Variants in ARL3 observed in about 807,000 individuals in gnomAD.
The protein encoded by ARL3 is ADP-ribosylation factor-like protein 3.
In ARL3, 9 loss-of-function variants were observed where a neutral mutation model predicts 26.0. The ratio of observed to expected loss-of-function variants is 0.35; its 90% CI spans 0.21 to 0.60. The LOEUF is 0.60. ARL3 is among the 20% of genes least tolerant of loss of function. The pLI is 0.78. For synonymous variants in ARL3, 71 were observed against 78.4 expected, an observed-to-expected ratio of 0.91 and a Z score of 0.50; for missense variants, 158 against 215.7, an observed-to-expected ratio of 0.73 and a Z score of 1.67.
At chr10:102,704,962 C>A (rs1043356906) in intron 2 of ARL3, among the ~76,000 whole-genome samples, 3 of 152,108 alleles carry the variant, frequency 2.0e-5, no homozygotes, top group African/African-American at 7.2e-5. Flanking sequence ...AACGTTATAA[C>A]ATAAAACGTA....
chr10:102,706,445 C>A (rs1341792040), intron 1 of ARL3, among the ~76,000 whole-genome samples: 1 of 151,282 alleles, frequency 6.6e-6, no homozygotes, highest in African/African-American at 2.4e-5. Flanking sequence ...AGCAAGACTC[C>A]GTCTCAAAAA....
intron 5 of ARL3, among the ~76,000 whole-genome samples, chr10:102,684,868 CCT>C (rs1225030158): frequency 1.3e-5 from 2 of 151,500 alleles, no homozygotes; most frequent in Non-Finnish European, 2.9e-5. Flanking sequence ...GTCTCGAACC[CCT>C]GACCTCAGGT....
intron 3 of ARL3, 108 bp downstream of exon 3, chr10:102,699,265 T>C: frequency 1.3e-6 from 1 of 761,210 alleles, no homozygotes; most frequent in Non-Finnish European, 2.3e-6. Context: ...TTCACAGTGA[T>C]TAATGTTATG....
chr10:102,682,786 C>G lies in ARL3; in HGVS notation c.501+3030G>C, dbSNP rs2064162020. On this transcript the variant is annotated intron_variant, in intron 5 of 5. Transcript: ENST00000260746. ...ACACTTGAAACTGCAACAGAAATTC[C>G]AGGTCCTTTTTTTATTTTTAAACCT... Among the ~76,000 whole-genome samples the G allele has an allele frequency of 2.0e-5, 3 of 152,204 alleles. No individual in the cohort carries two copies. In the South Asian group the frequency reaches 6.2e-4, roughly 32 times the overall value.
At chr10:102,699,177 G>C (rs962521934) in intron 3 of ARL3, among the ~76,000 whole-genome samples, 196 bp downstream of exon 3, 1 of 152,130 alleles carries the variant, frequency 6.6e-6, no homozygotes, top group Non-Finnish European at 1.5e-5. Context: ...GTTACTGAGC[G>C]ACAGCAAAAC....
At position 102,676,061 on chromosome 10, in the gene ARL3, C is replaced by G. The variant is rs565136139; in HGVS notation, c.*833G>C. 6.6e-6 allele frequency: 1 copy of G among 152,572 alleles called. No homozygotes were observed. Among genetic ancestry groups the G allele is most frequent in the Non-Finnish European group, 1.5e-5 (1 of 68,036 alleles). 9.5% of individuals were successfully genotyped at this position (152,572 alleles called of 1,614,324 possible). On this transcript the variant is annotated 3_prime_UTR_variant, in exon 6 of 6. Transcript: ENST00000260746. ...CACTGAGCTGGAGAAAGCCTGTTTA[C>G]GCTAGCCTGAGCCCTCGATGTGAGA...
intron 2 of ARL3, 77 bp from the exon 3 acceptor site, chr10:102,699,566 T>G: frequency 2.6e-6 from 2 of 776,746 alleles, no homozygotes; most frequent in Non-Finnish European, 4.3e-6. Flanking sequence ...TTAATAGCTA[T>G]GTTTTTTATT....
At chr10:102,706,856 G>C (rs1329487467) in intron 1 of ARL3, among the ~76,000 whole-genome samples, 2 of 152,082 alleles carry the variant, frequency 1.3e-5, no homozygotes, top group African/African-American at 4.8e-5. Flanking sequence ...ATTTTTAGTA[G>C]AGATGGGGTT....
At chr10:102,694,030 C>T (rs545412941) in intron 3 of ARL3, among the ~76,000 whole-genome samples, 3 of 152,098 alleles carry the variant, frequency 2.0e-5, no homozygotes, top group Non-Finnish European at 4.4e-5. Context: ...CTCTGTCGCC[C>T]AGGCTGGAGT....
chr10:102,682,034 G>A (rs979997793), intron 5 of ARL3, among the ~76,000 whole-genome samples: 2 of 152,110 alleles, frequency 1.3e-5, no homozygotes, highest in East Asian at 3.8e-4. Context: ...AAGACTGAGA[G>A]TCCCAGTGCA....
Position 102,674,556 on chromosome 10 carries a change from A to T in ARL3, c.*2338T>A, listed in dbSNP as rs1433366668. 6.6e-6 allele frequency: 1 copy of T among 152,124 alleles called. No individual in the cohort carries two copies. Among genetic ancestry groups the T allele is most frequent in the East Asian group, 1.9e-4 (1 of 5,170 alleles). The allele number at this position is 152,124 out of a possible 1,614,324, so 9.4% of individuals were successfully genotyped here. A position where few individuals can be genotyped will look rare whatever the true frequency, so the allele number is the denominator to read the frequency against. ...CAGGGCAAAAGTCTCGCTAAGACTC[A>T]CTGGGGACAGGAGGAGGGGAAAAGG... On this transcript the variant is annotated 3_prime_UTR_variant, in exon 6 of 6. Transcript: ENST00000260746.
At chr10:102,679,813 C>G (rs566262568) in intron 5 of ARL3, among the ~76,000 whole-genome samples, 2 of 152,316 alleles carry the variant, frequency 1.3e-5, no homozygotes, top group East Asian at 3.9e-4. Flanking sequence ...GCTGCACAAT[C>G]CTCACATATT....
chr10:102,704,521 T>A (rs1223060024), intron 2 of ARL3, among the ~76,000 whole-genome samples: 1 of 152,092 alleles, frequency 6.6e-6, no homozygotes, highest in African/African-American at 2.4e-5. Context: ...GCGCCTGTAA[T>A]CCCAGCTACT....
chr10:102,697,461 G>C (rs1416520094), intron 3 of ARL3, among the ~76,000 whole-genome samples: 1 of 152,216 alleles, frequency 6.6e-6, no homozygotes, highest in Non-Finnish European at 1.5e-5. Context: ...ACAGGCGTGA[G>C]CCGCTGCGCC....
intron 1 of ARL3, among the ~76,000 whole-genome samples, chr10:102,709,994 A>G (rs916343132): frequency 6.6e-6 from 1 of 152,038 alleles, no homozygotes; most frequent in Non-Finnish European, 1.5e-5. Flanking sequence ...AGATCACACC[A>G]GTGTACTCCA....
At chr10:102,708,900 ATATATATATT>A (rs1424817700) in intron 1 of ARL3, among the ~76,000 whole-genome samples, 2 of 111,614 alleles carry the variant, frequency 1.8e-5, no homozygotes, top group South Asian at 3.1e-4. Context: ...ATATATATAT[ATATATATATT>A]TTTTTTTTTT....
intron 4 of ARL3, among the ~76,000 whole-genome samples, chr10:102,688,518 T>G (rs980207133): frequency 1.3e-5 from 2 of 148,366 alleles, no homozygotes; most frequent in Admixed American, 1.3e-4. Flanking sequence ...TTTTTTTTTT[T>G]TGAGAGGGAG....
At chr10:102,695,150 T>C (rs1272040000) in intron 3 of ARL3, among the ~76,000 whole-genome samples, 2 of 152,254 alleles carry the variant, frequency 1.3e-5, no homozygotes, top group Non-Finnish European at 2.9e-5. Flanking sequence ...TAGAATCAGT[T>C]TGTCAATATC....
intron 1 of ARL3, among the ~76,000 whole-genome samples, chr10:102,708,497 GTTC>G (rs2064320768): frequency 6.6e-6 from 1 of 152,090 alleles, no homozygotes; most frequent in South Asian, 2.1e-4. Flanking sequence ...CACAGGCAAA[GTTC>G]TTCTCATGCA....
Sources: allele counts gnomAD v4.1 joint callset (sites outside exome capture counted in the v4.1 genomes callset), GRCh38; gene constraint gnomAD v4.1.1; transcripts MANE v1.5; gene names NCBI Gene and HGNC (gene_info 2026-07-23, HGNC 2026-07-21).